The following MAML2 variants were observed in gnomAD, a reference collection of about 807,000 sequenced individuals.
MAML2 encodes the protein mastermind like transcriptional coactivator 2, also known as mastermind-like protein 2.
Under a neutral mutation model 96.1 loss-of-function variants are expected in MAML2, and 22 were observed. The ratio of observed to expected loss-of-function variants is 0.23; its 90% CI spans 0.16 to 0.33. The LOEUF (loss-of-function observed/expected upper bound fraction) is 0.33, where lower values mean the gene tolerates loss of function less well. Among genes scored for constraint, MAML2 ranks in the 10% least tolerant of loss-of-function variants. The pLI is 1.00. For missense variants in MAML2, 1,367 were observed against 1,392.4 expected (o/e 0.98, Z 0.29); for synonymous variants, 561 against 521.3 (o/e 1.08, Z -1.04).
At chr11:96,198,758 C>T (rs1365413419) in intron 1 of MAML2, among the ~76,000 whole-genome samples, 1 of 152,064 alleles carries the variant, frequency 6.6e-6, no homozygotes, top group African/African-American at 2.4e-5. Context: ...CTTCATGAGT[C>T]GTACCATCCC....
chr11:95,997,251 T>C (rs1406926066), intron 2 of MAML2, among the ~76,000 whole-genome samples: 2 of 152,180 alleles, frequency 1.3e-5, no homozygotes, highest in African/African-American at 4.8e-5. Context: ...GAGTGCACAA[T>C]AACGTATATT....
rs1862868841 is a variant in MAML2, at chr11:96,268,793, T to C, written c.513+72590A>G. On this transcript the variant is annotated intron_variant, in intron 1 of 4. Transcript: ENST00000524717. ...ACACGATCTGTTGTCTGCCGCCATGTAAGATGTGACTTTGCTCCTCATTTG... is the reference window on the plus strand; with the variant it reads ...ACACGATCTGTTGTCTGCCGCCATGCAAGATGTGACTTTGCTCCTCATTTG... Among the ~76,000 whole-genome samples, 3 of 108,644 alleles carry C rather than the reference T, an allele frequency of 2.8e-5. 1 individual carries two copies. The South Asian group carries it at 8.2e-4, about 30-fold the overall frequency. The allele number at this position is 108,644 out of a possible 152,430, so 71.3% of individuals were successfully genotyped here. A position where few individuals can be genotyped will look rare whatever the true frequency, so the allele number is the denominator to read the frequency against.
In MAML2 at chr11:96,143,401, T is replaced by A. The variant is rs554987875; in HGVS notation, c.514-49884A>T. 8.5e-5 allele frequency among the ~76,000 whole-genome samples: 13 copies of A among 152,316 alleles called. No individual in the cohort carries two copies. The South Asian group carries it at 2.7e-3, about 32-fold the overall frequency. On this transcript the variant is annotated intron_variant, in intron 1 of 4. Transcript: ENST00000524717. ...AACAGGAAAATCTTTGAGCCCTCGG[T>A]CATGTCGCTCTTGCTCCTATTATTA...
intron 2 of MAML2, among the ~76,000 whole-genome samples, chr11:96,085,517 G>T (rs1382024498): frequency 6.6e-6 from 1 of 152,194 alleles, no homozygotes; most frequent in African/African-American, 2.4e-5. Context: ...GTGCAAAGGG[G>T]ATTGTTTGAG....
At chr11:96,204,842 C>G (rs762806028) in intron 1 of MAML2, among the ~76,000 whole-genome samples, 1 of 152,188 alleles carries the variant, frequency 6.6e-6, no homozygotes, top group African/African-American at 2.4e-5. Context: ...ATTTTAGGTG[C>G]ACCTAAATTA....
chr11:96,305,675 C>T (rs866430928), intron 1 of MAML2, among the ~76,000 whole-genome samples: 4 of 152,152 alleles, frequency 2.6e-5, no homozygotes, highest in Non-Finnish European at 4.4e-5. Context: ...CTATTCAAGT[C>T]ATCTAATACA....
chr11:96,019,897 C>T lies in MAML2; in HGVS notation c.2140-28174G>A, dbSNP rs547397438. Among the ~76,000 whole-genome samples the T allele has an allele frequency of 7.2e-5, 11 of 152,202 alleles. No homozygotes were observed. In the South Asian group the frequency reaches 1.0e-3, roughly 14 times the overall value. ...TCAAAAATCCAGTTGCTAGTTTATA[C>T]GTTTTTCTCCATACTTATGACTCAA... is the stretch of plus-strand genomic sequence containing the variant. On this transcript the variant is annotated intron_variant, in intron 2 of 4. Transcript: ENST00000524717.
chr11:95,989,301 CCAAA>C (rs766944372), intron 3 of MAML2, among the ~76,000 whole-genome samples: 3 of 152,204 alleles, frequency 2.0e-5, no homozygotes, highest in Non-Finnish European at 4.4e-5. Context: ...TCAATGGTGT[CCAAA>C]CAAAGAGAAA....
At chr11:95,993,460 A>G (rs1391249320) in intron 2 of MAML2, among the ~76,000 whole-genome samples, 4 of 152,062 alleles carry the variant, frequency 2.6e-5, no homozygotes, top group Non-Finnish European at 5.9e-5. Flanking sequence ...CCAATTACTT[A>G]CTCAGGAGGC....
intron 1 of MAML2, among the ~76,000 whole-genome samples, chr11:96,281,198 CAGA>C (rs1033188361): frequency 3.3e-5 from 5 of 152,094 alleles, no homozygotes; most frequent in African/African-American, 1.2e-4. Flanking sequence ...TTTAACAACC[CAGA>C]AGAACATGGG....
At chr11:95,999,360 A>G (rs1246207300) in intron 2 of MAML2, among the ~76,000 whole-genome samples, 1 of 152,102 alleles carries the variant, frequency 6.6e-6, no homozygotes, top group South Asian at 2.1e-4. Flanking sequence ...TTTCATTTCA[A>G]TGGAATTGTA....
chr11:96,002,200 T>C (rs993413333), intron 2 of MAML2, among the ~76,000 whole-genome samples: 1 of 152,168 alleles, frequency 6.6e-6, no homozygotes, highest in African/African-American at 2.4e-5. Context: ...GACATGTTCA[T>C]TGTGAAATTC....
intron 2 of MAML2, among the ~76,000 whole-genome samples, chr11:96,009,051 T>C (rs746990700): frequency 6.6e-6 from 1 of 152,196 alleles, no homozygotes; most frequent in Non-Finnish European, 1.5e-5. Context: ...TAATAAATAT[T>C]TTGAGAGTTA....
At chr11:96,121,735 G>A (rs1479818360) in intron 1 of MAML2, among the ~76,000 whole-genome samples, 2 of 145,708 alleles carry the variant, frequency 1.4e-5, no homozygotes, top group South Asian at 2.2e-4. Flanking sequence ...AAATGGGAAA[G>A]CAATGCCCTT....
At chr11:96,100,435 G>A (rs146180583) in intron 1 of MAML2, among the ~76,000 whole-genome samples, 3,506 of 151,566 alleles carry the variant, frequency 0.023, 132 homozygotes, top group African/African-American at 0.079. Flanking sequence ...TCAGCCTCCC[G>A]AGTAGCTGGG....
At chr11:96,142,902 A>C (rs1860758134) in intron 1 of MAML2, among the ~76,000 whole-genome samples, 2 of 152,238 alleles carry the variant, frequency 1.3e-5, no homozygotes, top group South Asian at 4.1e-4. Flanking sequence ...TTGTCTAATG[A>C]AAACCAGAAG....
At chr11:96,170,208 TC>T (rs1365693289) in intron 1 of MAML2, among the ~76,000 whole-genome samples, 2 of 152,226 alleles carry the variant, frequency 1.3e-5, no homozygotes, top group African/African-American at 4.8e-5. Flanking sequence ...GGTGGTATTT[TC>T]CAACCTTTTC....
Position 96,104,139 on chromosome 11 carries a change from A to G in MAML2, c.514-10622T>C, listed in dbSNP as rs569861127. Among the ~76,000 whole-genome samples the G allele has an allele frequency of 8.5e-5, 13 of 152,246 alleles. No individual in the cohort carries two copies. The South Asian group carries it at 2.7e-3, about 32-fold the overall frequency. ...ACAGTACCTACTATAATTTCCAAAT[A>G]TTTTTATTAATTAGCTTCCAATTTT... is the stretch of plus-strand genomic sequence containing the variant. On this transcript the variant is annotated intron_variant, in intron 1 of 4. Coordinates refer to ENST00000524717, the MANE Select transcript of MAML2 (RefSeq NM_032427.4).
chr11:96,332,112 T>C (rs985354686), intron 1 of MAML2, among the ~76,000 whole-genome samples: 1 of 152,224 alleles, frequency 6.6e-6, no homozygotes, highest in African/African-American at 2.4e-5. Context: ...ATCTGGGTGC[T>C]ACTCTGTTTT....
Sources: allele counts gnomAD v4.1 joint callset (sites outside exome capture counted in the v4.1 genomes callset), GRCh38; gene constraint gnomAD v4.1.1; transcripts MANE v1.5; gene names NCBI Gene and HGNC (gene_info 2026-07-23, HGNC 2026-07-21).